The following SPPL3 variants were observed in gnomAD, a reference collection of about 807,000 sequenced individuals.
SPPL3 encodes the protein signal peptide peptidase like 3.
A neutral mutation model predicts 42.4 loss-of-function variants in SPPL3; 5 were observed. That is an observed-to-expected ratio of 0.12 (90% CI 0.06 to 0.25). The LOEUF (loss-of-function observed/expected upper bound fraction) is 0.25. Among genes scored for constraint, SPPL3 ranks in the 10% least tolerant of loss-of-function variants. The pLI is 1.00. For synonymous variants in SPPL3, 195 were observed against 181.8 expected, an observed-to-expected ratio of 1.07 and a Z score of -0.58; for missense variants, 235 against 489.0, an observed-to-expected ratio of 0.48 and a Z score of 4.90.
intron 1 of SPPL3, among the ~76,000 whole-genome samples, chr12:120,811,636 G>A (rs1870685189): frequency 6.6e-6 from 1 of 152,096 alleles, no homozygotes; most frequent in Non-Finnish European, 1.5e-5. Flanking sequence ...CCTCCACATT[G>A]CCCATTCTTA....
intron 6 of SPPL3, among the ~76,000 whole-genome samples, chr12:120,775,148 T>TTTTATTTA (rs1408464539): frequency 6.6e-6 from 1 of 151,930 alleles, no homozygotes; most frequent in African/African-American, 2.4e-5. Context: ...GAGTGTAGCA[T>TTTTATTTA]TTTATTTATT....
chr12:120,867,919 G>C (rs1413729707), intron 1 of SPPL3, among the ~76,000 whole-genome samples: 1 of 151,712 alleles, frequency 6.6e-6, no homozygotes, highest in Non-Finnish European at 1.5e-5. Context: ...AGCTAAATTT[G>C]TATCTTTTGT....
intron 1 of SPPL3, among the ~76,000 whole-genome samples, chr12:120,829,035 A>T (rs1382643741): frequency 6.6e-6 from 1 of 152,182 alleles, no homozygotes; most frequent in Non-Finnish European, 1.5e-5. Flanking sequence ...AAGTTCTGGG[A>T]TTAGAGGCAT....
chr12:120,858,215 C>T (rs1872519933), intron 1 of SPPL3, among the ~76,000 whole-genome samples: 1 of 152,050 alleles, frequency 6.6e-6, no homozygotes. Context: ...CTGTGGCTCA[C>T]GCCTGTAATT....
intron 1 of SPPL3, among the ~76,000 whole-genome samples, chr12:120,867,597 G>A (rs971997359): frequency 4.6e-5 from 7 of 151,752 alleles, no homozygotes; most frequent in Admixed American, 6.6e-5. Flanking sequence ...CCCGGGAGGC[G>A]GAGGTTGCAG....
chr12:120,856,844 G>A (rs779148633), intron 1 of SPPL3, among the ~76,000 whole-genome samples: 3 of 152,092 alleles, frequency 2.0e-5, no homozygotes, highest in Non-Finnish European at 4.4e-5. Context: ...TCTGAAATTA[G>A]GAAAACCCCA....
chr12:120,766,323 G>C lies in SPPL3; in HGVS notation c.1023C>G (p.Pro341=), dbSNP rs1006874299. Reference sequence around the variant, plus strand: ...TAAATGGCACCAAATAGAGAAGGGCGGGCTGGGCGGCCCGGTGAATGCGAG... The same window carrying C: ...TAAATGGCACCAAATAGAGAAGGGCCGGCTGGGCGGCCCGGTGAATGCGAG... The part of the protein sequence containing the change: ...VASRIHRAAQ[P]ALLYLVPFTL... The change falls in exon 10 of 11, where the codon CCC becomes CCG. Residue 341 remains proline, a synonymous_variant. Transcript: ENST00000353487. The C allele has an allele frequency of 3.7e-6, 6 of 1,600,872 alleles. No homozygotes were observed. In the African/African-American group the frequency reaches 6.7e-5, roughly 18 times the overall value.
Position 120,766,379 on chromosome 12 carries a change from G to GGA in SPPL3, c.974-9_974-8dup, listed in dbSNP as rs1443367694. On this transcript the variant is annotated splice_polypyrimidine_tract_variant and splice_region_variant and intron_variant, in intron 9 of 10. Coordinates refer to ENST00000353487, the MANE Select transcript of SPPL3 (RefSeq NM_139015.5). ...ACAGTAGCAGTGAGCAGGCCTGTGA[G>GGA]GAGAGAGAGGCATCTGTGAGACACG... The GGA allele has an allele frequency of 6.4e-7, 1 of 1,570,162 alleles. No individual in the cohort carries two copies. Among genetic ancestry groups the GGA allele is most frequent in the Non-Finnish European group, 8.6e-7 (1 of 1,158,040 alleles).
intron 1 of SPPL3, among the ~76,000 whole-genome samples, chr12:120,872,554 G>C (rs77649761): frequency 6.6e-6 from 1 of 152,090 alleles, no homozygotes; most frequent in Admixed American, 6.5e-5. Flanking sequence ...GCCAGAATTT[G>C]CAGGACCCAG....
chr12:120,891,736 T>TAAAAAA (rs5801407), intron 1 of SPPL3, among the ~76,000 whole-genome samples: 1 of 134,648 alleles, frequency 7.4e-6, no homozygotes, highest in Non-Finnish European at 1.6e-5. Context: ...TTGCAAATTC[T>TAAAAAA]AAAAAAAAAA....
chr12:120,866,393 A>G (rs960522619), intron 1 of SPPL3, among the ~76,000 whole-genome samples: 1 of 152,182 alleles, frequency 6.6e-6, no homozygotes, highest in African/African-American at 2.4e-5. Flanking sequence ...GGAAATTCCT[A>G]TTACGCAAGG....
At chr12:120,872,099 T>C (rs1173859567) in intron 1 of SPPL3, among the ~76,000 whole-genome samples, 1 of 152,216 alleles carries the variant, frequency 6.6e-6, no homozygotes, top group Non-Finnish European at 1.5e-5. Flanking sequence ...CCTGTTGTTA[T>C]GCTGTATTTT....
At chr12:120,821,984 TAAAC>T (rs142177710) in intron 1 of SPPL3, among the ~76,000 whole-genome samples, 5,418 of 144,470 alleles carry the variant, frequency 0.038, 112 homozygotes, top group South Asian at 0.067. Context: ...CTATGTGAAA[TAAAC>T]CAGAAAAAAG....
intron 1 of SPPL3, among the ~76,000 whole-genome samples, chr12:120,813,900 A>G (rs896881141): frequency 6.6e-6 from 1 of 152,112 alleles, no homozygotes; most frequent in Admixed American, 6.5e-5. Context: ...AAGCTTTATA[A>G]AAGTTTTGCC....
At chr12:120,796,087 C>T (rs575686703) in intron 2 of SPPL3, among the ~76,000 whole-genome samples, 47 of 152,086 alleles carry the variant, frequency 3.1e-4, no homozygotes, top group Non-Finnish European at 6.6e-4. Flanking sequence ...TTTATAATCT[C>T]CATGTTGGCC....
chr12:120,887,405 G>T (rs1313873257), intron 1 of SPPL3, among the ~76,000 whole-genome samples: 1 of 151,998 alleles, frequency 6.6e-6, no homozygotes, highest in Non-Finnish European at 1.5e-5. Context: ...TCCTGGCAAA[G>T]AACTGACACA....
Position 120,903,729 on chromosome 12 carries a change from C to G in SPPL3, c.23+116G>C, listed in dbSNP as rs568149919. 1.6e-4 allele frequency: 96 copies of G among 595,040 alleles called. 1 individual carries two copies. The South Asian group carries it at 2.1e-3, about 13-fold the overall frequency. 36.9% of individuals were successfully genotyped at this position (595,040 alleles called of 1,614,324 possible). A position where few individuals can be genotyped will look rare whatever the true frequency, so the allele number is the denominator to read the frequency against. On this transcript the variant is annotated intron_variant, in intron 1 of 10. Transcript: ENST00000353487. ...GAAGAGGGGGGCGTGCACCCCAACC[C>G]GCGCCCCCCCCCCACGACACGCACC...
intron 1 of SPPL3, among the ~76,000 whole-genome samples, chr12:120,889,946 T>TG (rs1276761466): frequency 6.6e-6 from 1 of 151,906 alleles, no homozygotes; most frequent in Non-Finnish European, 1.5e-5. Flanking sequence ...CACCTTACTT[T>TG]GAAAAAAAAA....
chr12:120,896,161 G>C (rs1187909595), intron 1 of SPPL3, among the ~76,000 whole-genome samples: 1 of 152,002 alleles, frequency 6.6e-6, no homozygotes, highest in Non-Finnish European at 1.5e-5. Context: ...TTTTCCATAA[G>C]GTCTCTATTA....
Sources: allele counts gnomAD v4.1 joint callset (sites outside exome capture counted in the v4.1 genomes callset), GRCh38; gene constraint gnomAD v4.1.1; transcripts MANE v1.5; gene names NCBI Gene and HGNC (gene_info 2026-07-23, HGNC 2026-07-21).